Variants in KCNQ3 observed in about 807,000 individuals in gnomAD.
The protein encoded by KCNQ3 is potassium voltage-gated channel subfamily Q member 3, also known as potassium voltage-gated channel subfamily KQT member 3.
Under a neutral mutation model 92.5 loss-of-function variants are expected in KCNQ3, and 30 were observed. The ratio of observed to expected loss-of-function variants is 0.32; its 90% CI spans 0.24 to 0.44. The LOEUF is 0.44. Among genes scored for constraint, KCNQ3 ranks in the 20% least tolerant of loss-of-function variants. The pLI is 1.00. For missense variants in KCNQ3, 913 were observed against 1,140.3 expected (o/e 0.80, Z 2.87); for synonymous variants, 450 against 468.8 (o/e 0.96, Z 0.52).
chr8:132,248,856 T>C (rs1254160773), intron 1 of KCNQ3, among the ~76,000 whole-genome samples: 1 of 152,216 alleles, frequency 6.6e-6, no homozygotes, highest in Non-Finnish European at 1.5e-5. Context: ...GGTATTTGTC[T>C]TCAGTGGAAT....
At chr8:132,167,618 T>A (rs1826178616) in intron 8 of KCNQ3, among the ~76,000 whole-genome samples, 1 of 152,224 alleles carries the variant, frequency 6.6e-6, no homozygotes, top group Non-Finnish European at 1.5e-5. Context: ...ACTGCCTTGC[T>A]TCAGAATGGT....
chr8:132,407,683 T>C (rs1046637506), intron 1 of KCNQ3, among the ~76,000 whole-genome samples: 1 of 152,234 alleles, frequency 6.6e-6, no homozygotes, highest in African/African-American at 2.4e-5. Context: ...TCTTTCACCA[T>C]CACTACAGTA....
chr8:132,231,166 T>C (rs1814635199), intron 1 of KCNQ3, among the ~76,000 whole-genome samples: 1 of 152,184 alleles, frequency 6.6e-6, no homozygotes, highest in African/African-American at 2.4e-5. Flanking sequence ...GGAAGGATTC[T>C]CTCCTAGCAC....
rs569089361 is a variant in KCNQ3 at position 132,277,968 on chromosome 8, C to T, written c.387-91787G>A. 17 of 985,386 alleles carry T rather than the reference C, an allele frequency of 1.7e-5. No homozygotes were observed. In the South Asian group the frequency reaches 4.7e-4, roughly 27 times the overall value. The allele number at this position is 985,386 out of a possible 1,614,324, so 61.0% of individuals were successfully genotyped here. Reference sequence around the variant, plus strand: ...CATTTGGCATTCCACAAGCATCTCACCTTCACCCCCACAGGACAGAAGGGA... The same window carrying T: ...CATTTGGCATTCCACAAGCATCTCATCTTCACCCCCACAGGACAGAAGGGA... On this transcript the variant is annotated intron_variant, in intron 1 of 14. Transcript: ENST00000388996.
intron 1 of KCNQ3, among the ~76,000 whole-genome samples, chr8:132,387,300 G>T (rs1819913181): frequency 6.6e-6 from 1 of 152,236 alleles, no homozygotes; most frequent in Admixed American, 6.5e-5. Context: ...TAAGTCAAAG[G>T]AAAAATTTAT....
chr8:132,387,189 T>C (rs573013796), intron 1 of KCNQ3, among the ~76,000 whole-genome samples: 1 of 152,132 alleles, frequency 6.6e-6, no homozygotes, highest in Non-Finnish European at 1.5e-5. Flanking sequence ...CATGTCCAAA[T>C]AGGATAGCAT....
chr8:132,438,566 T>G (rs1821454337), intron 1 of KCNQ3, among the ~76,000 whole-genome samples: 1 of 152,068 alleles, frequency 6.6e-6, no homozygotes, highest in African/African-American at 2.4e-5. Flanking sequence ...CTGCAACGTG[T>G]GGGTGCGGCT....
chr8:132,289,740 T>C (rs763046226), intron 1 of KCNQ3, among the ~76,000 whole-genome samples: 2 of 152,170 alleles, frequency 1.3e-5, no homozygotes, highest in Non-Finnish European at 2.9e-5. Context: ...AATATATAAA[T>C]GAAAATATTC....
chr8:132,435,260 C>A (rs898364788), intron 1 of KCNQ3, among the ~76,000 whole-genome samples: 1 of 152,184 alleles, frequency 6.6e-6, no homozygotes, highest in African/African-American at 2.4e-5. Flanking sequence ...TTTACAGACA[C>A]AATAGATGCT....
At chr8:132,141,985 T>C (rs62519560) in intron 9 of KCNQ3, among the ~76,000 whole-genome samples, 7,659 of 152,306 alleles carry the variant, frequency 0.05, 311 homozygotes, top group Non-Finnish European at 0.074. Context: ...AAATCACAGA[T>C]AATTTTATAT....
chr8:132,398,266 T>C (rs540336221), intron 1 of KCNQ3, among the ~76,000 whole-genome samples: 5 of 152,306 alleles, frequency 3.3e-5, no homozygotes, highest in African/African-American at 9.6e-5. Context: ...TTCAACTAGT[T>C]GGTTAATTGT....
At chr8:132,459,484 C>T (rs1240591923) in intron 1 of KCNQ3, among the ~76,000 whole-genome samples, 1 of 152,108 alleles carries the variant, frequency 6.6e-6, no homozygotes, top group African/African-American at 2.4e-5. Flanking sequence ...AGGTGTCAGG[C>T]TCTTTTTAAC....
intron 1 of KCNQ3, among the ~76,000 whole-genome samples, chr8:132,288,042 C>G (rs899262835): frequency 1.3e-5 from 2 of 152,192 alleles, no homozygotes; most frequent in Admixed American, 6.5e-5. Flanking sequence ...TTCACTATTT[C>G]CTTCTTCTTG....
chr8:132,470,625 T>C (rs144058191), intron 1 of KCNQ3, among the ~76,000 whole-genome samples: 1 of 152,366 alleles, frequency 6.6e-6, no homozygotes, highest in African/African-American at 2.4e-5. Context: ...CTCAATAAAT[T>C]AAATTTTGAT....
intron 1 of KCNQ3, among the ~76,000 whole-genome samples, chr8:132,341,096 TC>T (rs1312346451): frequency 1.3e-5 from 2 of 152,204 alleles, no homozygotes; most frequent in African/African-American, 2.4e-5. Context: ...ATTTCCATCA[TC>T]AAAGAAAGTT....
At chr8:132,230,526 T>G (rs771626324) in intron 1 of KCNQ3, among the ~76,000 whole-genome samples, 26 of 151,868 alleles carry the variant, frequency 1.7e-4, no homozygotes, top group Non-Finnish European at 3.4e-4. Flanking sequence ...GAAATTTTCT[T>G]GCAATGTGTC....
chr8:132,278,556 G>C (rs980200516), intron 1 of KCNQ3, among the ~76,000 whole-genome samples: 1 of 152,178 alleles, frequency 6.6e-6, no homozygotes, highest in Non-Finnish European at 1.5e-5. Flanking sequence ...CGATGGGACT[G>C]AAAGTCCATA....
chr8:132,284,183 T>TA (rs554331483), intron 1 of KCNQ3, among the ~76,000 whole-genome samples: 14 of 151,426 alleles, frequency 9.2e-5, no homozygotes, highest in South Asian at 6.3e-4. Context: ...TAAAGTATAA[T>TA]AAAAAAAAAT....
intron 1 of KCNQ3, among the ~76,000 whole-genome samples, chr8:132,387,028 C>G (rs569295742): frequency 2.0e-5 from 3 of 152,288 alleles, no homozygotes; most frequent in South Asian, 4.1e-4. Context: ...AAACATCACA[C>G]TTTCCCCCAC....
Sources: gnomAD v4.1 joint callset for allele counts (sites outside exome capture counted in the v4.1 genomes callset) on GRCh38, gnomAD v4.1.1 for gene constraint, MANE v1.5 for transcripts, NCBI Gene and HGNC (gene_info 2026-07-23, HGNC 2026-07-21) for gene names.